Variants in MACROD2 observed in about 807,000 individuals in gnomAD.
MACROD2 encodes the protein mono-ADP ribosylhydrolase 2.
MACROD2 carries 36 observed loss-of-function variants against 70.4 expected under a neutral mutation model. The ratio of observed to expected loss-of-function variants is 0.51; its 90% CI spans 0.39 to 0.68. The LOEUF (loss-of-function observed/expected upper bound fraction) is 0.68. MACROD2 is among the 30% of genes least tolerant of loss of function. The pLI, the probability that MACROD2 is intolerant of heterozygous loss-of-function variation, is 0.00. For synonymous variants in MACROD2, 172 were observed against 178.8 expected (o/e 0.96, Z 0.30); for missense variants, 496 against 538.4 (o/e 0.92, Z 0.78).
intron 6 of MACROD2, among the ~76,000 whole-genome samples, chr20:15,337,375 G>T (rs1364895651): frequency 6.6e-6 from 1 of 151,708 alleles, no homozygotes; most frequent in African/African-American, 2.4e-5. Context: ...ACATTTACTT[G>T]AGAGGGGCAT....
chr20:14,023,792 G>A (rs949837313), intron 2 of MACROD2, among the ~76,000 whole-genome samples: 2 of 152,150 alleles, frequency 1.3e-5, no homozygotes, highest in African/African-American at 4.8e-5. Context: ...ATGCTGTTTT[G>A]GTTACTGTAG....
chr20:15,957,062 A>G (rs558211307), intron 12 of MACROD2, among the ~76,000 whole-genome samples: 1 of 152,166 alleles, frequency 6.6e-6, no homozygotes, highest in Non-Finnish European at 1.5e-5. Context: ...GTGTCATTCA[A>G]TTTACGTCAA....
intron 10 of MACROD2, among the ~76,000 whole-genome samples, chr20:15,930,965 G>A (rs2065567517): frequency 6.6e-6 from 1 of 152,196 alleles, no homozygotes; most frequent in South Asian, 2.1e-4. Flanking sequence ...CCCCTACTCT[G>A]TAGAAGATGT....
chr20:14,476,343 TA>T (rs1403099032), intron 3 of MACROD2, among the ~76,000 whole-genome samples: 1 of 152,112 alleles, frequency 6.6e-6, no homozygotes, highest in Non-Finnish European at 1.5e-5. Context: ...AATAAATGAG[TA>T]AACCTTCATT....
chr20:14,675,299 A>G (rs920505554), intron 4 of MACROD2, among the ~76,000 whole-genome samples: 7 of 152,208 alleles, frequency 4.6e-5, no homozygotes, highest in African/African-American at 1.7e-4. Context: ...AAATGCAGCC[A>G]GAGAGAAAGG....
rs117309615 is a variant in MACROD2 at position 14,916,542 on chromosome 20, A to C, written c.418+231583A>C. Among the ~76,000 whole-genome samples the C allele has an allele frequency of 7.6e-3, 1,165 of 152,308 alleles. 8 individuals carry two copies. Among genetic ancestry groups the C allele is most frequent in the Non-Finnish European group, 0.011 (754 of 68,030 alleles). The stretch of plus-strand genomic sequence containing the variant: ...TCATGTGCTTGTTGGAAACATATAA[A>C]ACAAGATAACTTCAGGAGCAAAGTG... On this transcript the variant is annotated intron_variant, in intron 5 of 17. Transcript: ENST00000684519.
At chr20:15,469,628 A>C (rs151058810) in intron 7 of MACROD2, among the ~76,000 whole-genome samples, 1 of 152,304 alleles carries the variant, frequency 6.6e-6, no homozygotes, top group African/African-American at 2.4e-5. Flanking sequence ...AATCCAGTCC[A>C]CAAGAAAGGG....
chr20:16,031,629 T>C (rs1011819920), intron 15 of MACROD2, among the ~76,000 whole-genome samples: 3 of 152,150 alleles, frequency 2.0e-5, no homozygotes, highest in African/African-American at 7.2e-5. Context: ...ATTTATGCAA[T>C]GAGATATTAA....
At chr20:14,019,110 T>C (rs1430896857) in intron 2 of MACROD2, among the ~76,000 whole-genome samples, 1 of 152,202 alleles carries the variant, frequency 6.6e-6, no homozygotes, top group East Asian at 1.9e-4. Context: ...ACTGAGGTTC[T>C]GTAACTGACC....
At chr20:15,861,160 A>G (rs1036862397) in intron 8 of MACROD2, among the ~76,000 whole-genome samples, 1 of 152,192 alleles carries the variant, frequency 6.6e-6, no homozygotes, top group African/African-American at 2.4e-5. Context: ...AGTACTTATG[A>G]ATAGATCCCT....
At chr20:15,493,095 T>C (rs768633905) in intron 7 of MACROD2, among the ~76,000 whole-genome samples, 1 of 152,182 alleles carries the variant, frequency 6.6e-6, no homozygotes, top group Non-Finnish European at 1.5e-5. Flanking sequence ...ACAAAATACA[T>C]TTTTCAGCTG....
rs368200424 is a variant in MACROD2 at position 15,489,535 on chromosome 20, C to T, written c.572-10239C>T. Among the ~76,000 whole-genome samples, 8 of 152,192 alleles carry T rather than the reference C, an allele frequency of 5.3e-5. No individual in the cohort carries two copies. In the East Asian group the frequency reaches 1.2e-3, roughly 22 times the overall value. On this transcript the variant is annotated intron_variant, in intron 7 of 17. Transcript: ENST00000684519. ...CAAGAGATTCCTTGGGCCCCACACA[C>T]ACTCTGCAATGAAGACATTAAATGG...
intron 3 of MACROD2, among the ~76,000 whole-genome samples, chr20:14,187,189 T>G (rs563359153): frequency 6.6e-6 from 1 of 150,850 alleles, no homozygotes; most frequent in South Asian, 2.1e-4. Flanking sequence ...TACTTTTTAG[T>G]TGACTATTCC....
chr20:14,337,425 T>A, intron 3 of MACROD2: 2 of 322,674 alleles, frequency 6.2e-6, no homozygotes, highest in Admixed American at 4.9e-5. Flanking sequence ...GAAAAAGCAA[T>A]CCTATATACA....
At chr20:15,821,514 A>G (rs1308618481) in intron 8 of MACROD2, among the ~76,000 whole-genome samples, 1 of 152,170 alleles carries the variant, frequency 6.6e-6, no homozygotes, top group Admixed American at 6.6e-5. Context: ...TGGAAATGCT[A>G]ACTTTTAGTT....
intron 5 of MACROD2, among the ~76,000 whole-genome samples, chr20:14,698,156 A>G (rs917166510): frequency 3.3e-5 from 5 of 152,094 alleles, no homozygotes; most frequent in African/African-American, 9.7e-5. Context: ...TAAGTGATGG[A>G]ATGGGGATTT....
chr20:15,569,191 G>T (rs1318351591), intron 8 of MACROD2, among the ~76,000 whole-genome samples: 1 of 152,104 alleles, frequency 6.6e-6, no homozygotes, highest in African/African-American at 2.4e-5. Flanking sequence ...GTGTATGGGG[G>T]CTGTGTAGAA....
intron 3 of MACROD2, among the ~76,000 whole-genome samples, chr20:14,111,786 TG>T (rs1224407656): frequency 4.6e-5 from 7 of 152,142 alleles, no homozygotes; most frequent in African/African-American, 1.7e-4. Context: ...ACAATCACTG[TG>T]GAGAACAGTT....
rs566729087 is a variant in MACROD2, at chr20:14,206,656, C to CT, written c.271+120942dup. Among the ~76,000 whole-genome samples, 825 of 130,290 alleles carry CT rather than the reference C, an allele frequency of 6.3e-3. 11 individuals are homozygous for CT. The highest frequency in any genetic ancestry group is 0.019 in the African/African-American group (681 of 35,344). 85.5% of individuals were successfully genotyped at this position (130,290 alleles called of 152,430 possible). ...TTTTTCATCCCACCATCCCATGAGG[C>CT]TTTTTTTTTTTTTTAAGTCAGTTAC... On this transcript the variant is annotated intron_variant, in intron 3 of 17. Transcript: ENST00000684519.
Sources: allele counts gnomAD v4.1 joint callset (sites outside exome capture counted in the v4.1 genomes callset), GRCh38; gene constraint gnomAD v4.1.1; transcripts MANE v1.5; gene names NCBI Gene and HGNC (gene_info 2026-07-23, HGNC 2026-07-21).